RAB3C: variants seen among roughly 807,000 people sequenced by gnomAD.
RAB3C encodes the protein ras-related protein Rab-3C.
In RAB3C, 17 loss-of-function variants were observed where a neutral mutation model predicts 26.4. The observed-to-expected ratio is 0.64, with a 90% confidence interval of 0.44 to 0.97. The LOEUF is 0.97. Ranked by LOEUF, RAB3C falls within the 50% of genes least tolerant of loss-of-function variation. RAB3C has a pLI of 0.00. For missense variants in RAB3C, 242 were observed against 281.9 expected (o/e 0.86, Z 1.01); for synonymous variants, 91 against 95.9 (o/e 0.95, Z 0.30).
chr5:58,649,696 CT>C (rs1043653927), intron 2 of RAB3C, among the ~76,000 whole-genome samples: 1 of 152,128 alleles, frequency 6.6e-6, no homozygotes, highest in African/African-American at 2.4e-5. Context: ...TTGTCTCTCC[CT>C]GCTTACGATT....
At chr5:58,787,029 T>A (rs1181016019) in intron 3 of RAB3C, among the ~76,000 whole-genome samples, 1 of 152,022 alleles carries the variant, frequency 6.6e-6, no homozygotes, top group Non-Finnish European at 1.5e-5. Context: ...ATTCGATGTC[T>A]TGGAAACTAG....
chr5:58,749,292 T>A (rs1741470474), intron 3 of RAB3C, among the ~76,000 whole-genome samples: 1 of 152,202 alleles, frequency 6.6e-6, no homozygotes, highest in Admixed American at 6.5e-5. Context: ...AAATTGTGAT[T>A]TTTAAAAAAA....
At chr5:58,840,033 T>C in intron 4 of RAB3C, among the ~76,000 whole-genome samples, 1 of 152,050 alleles carries the variant, frequency 6.6e-6, no homozygotes, top group Non-Finnish European at 1.5e-5. Context: ...TGATGCTTTC[T>C]CTGTCTGCTA....
At chr5:58,652,139 C>A (rs774322632) in intron 2 of RAB3C, among the ~76,000 whole-genome samples, 3 of 151,750 alleles carry the variant, frequency 2.0e-5, no homozygotes, top group Admixed American at 2.0e-4. Context: ...GCCTAGTCTG[C>A]GATTGGGAGC....
At chr5:58,695,739 T>C (rs918153664) in intron 2 of RAB3C, among the ~76,000 whole-genome samples, 2 of 152,224 alleles carry the variant, frequency 1.3e-5, no homozygotes, top group Non-Finnish European at 2.9e-5. Context: ...GTTATTGGTG[T>C]ATAGGAATGC....
chr5:58,643,819 T>G (rs1023358349), intron 2 of RAB3C, among the ~76,000 whole-genome samples: 6 of 152,290 alleles, frequency 3.9e-5, no homozygotes, highest in Non-Finnish European at 7.4e-5. Flanking sequence ...CAATACTGTT[T>G]TAGTTTTAGT....
chr5:58,717,844 C>T (rs1475434411), intron 2 of RAB3C, among the ~76,000 whole-genome samples: 2 of 152,018 alleles, frequency 1.3e-5, no homozygotes, highest in Non-Finnish European at 2.9e-5. Flanking sequence ...GCACAAAAGC[C>T]GATCAAAATT....
chr5:58,825,386 T>C (rs1179662246), intron 4 of RAB3C, among the ~76,000 whole-genome samples: 1 of 152,126 alleles, frequency 6.6e-6, no homozygotes, highest in East Asian at 1.9e-4. Flanking sequence ...ATACTCAGAA[T>C]TTTGGTCTTA....
chr5:58,634,490 T>A (rs1373450244), intron 2 of RAB3C, among the ~76,000 whole-genome samples: 1 of 152,202 alleles, frequency 6.6e-6, no homozygotes, highest in East Asian at 1.9e-4. Flanking sequence ...CCTTATAGTA[T>A]GGTTATGAGG....
chr5:58,712,248 A>C (rs1369935275), intron 2 of RAB3C, among the ~76,000 whole-genome samples: 2 of 152,052 alleles, frequency 1.3e-5, no homozygotes, highest in Non-Finnish European at 2.9e-5. Flanking sequence ...GTTTATGGGA[A>C]ATAGAAATTT....
At chr5:58,716,240 A>G (rs1048385635) in intron 2 of RAB3C, among the ~76,000 whole-genome samples, 4 of 152,080 alleles carry the variant, frequency 2.6e-5, no homozygotes, top group Non-Finnish European at 5.9e-5. Context: ...GAGTCTTAGC[A>G]CTGGACACAG....
At chr5:58,704,528 A>T (rs1748907096) in intron 2 of RAB3C, among the ~76,000 whole-genome samples, 1 of 152,198 alleles carries the variant, frequency 6.6e-6, no homozygotes, top group African/African-American at 2.4e-5. Flanking sequence ...TCGCAAACAG[A>T]ATTCTTGAAA....
chr5:58,621,861 C>T (rs1387094186), intron 2 of RAB3C, among the ~76,000 whole-genome samples: 2 of 152,156 alleles, frequency 1.3e-5, no homozygotes, highest in African/African-American at 4.8e-5. Flanking sequence ...CAGGCATGAG[C>T]CACCACGCCT....
Position 58,629,864 on chromosome 5 carries a change from C to G in RAB3C, c.252+11994C>G, listed in dbSNP as rs372500666. ...GGGAAAATTATTACAAAAGTTTTTGCTAAGCCTCCAAGATTGTCACTAATT... is the reference window on the plus strand; with the variant it reads ...GGGAAAATTATTACAAAAGTTTTTGGTAAGCCTCCAAGATTGTCACTAATT... On this transcript the variant is annotated intron_variant, in intron 2 of 4. Coordinates refer to ENST00000282878, the MANE Select transcript of RAB3C (RefSeq NM_138453.4). 8.5e-5 allele frequency among the ~76,000 whole-genome samples: 13 copies of G among 152,188 alleles called. No individual in the cohort carries two copies. The East Asian group carries it at 2.5e-3, about 29-fold the overall frequency.
intron 3 of RAB3C, among the ~76,000 whole-genome samples, chr5:58,775,965 TC>T (rs1356967320): frequency 6.6e-6 from 1 of 152,070 alleles, no homozygotes; most frequent in Non-Finnish European, 1.5e-5. Flanking sequence ...CTGTTGCCTG[TC>T]CCACAAACTT....
intron 1 of RAB3C, among the ~76,000 whole-genome samples, chr5:58,605,066 C>T (rs1746531595): frequency 6.6e-6 from 1 of 152,174 alleles, no homozygotes; most frequent in Admixed American, 6.5e-5. Flanking sequence ...TCTGAAACTT[C>T]TCCCACAAGC....
chr5:58,603,074 C>T (rs1746491151), intron 1 of RAB3C, among the ~76,000 whole-genome samples: 1 of 152,108 alleles, frequency 6.6e-6, no homozygotes, highest in Non-Finnish European at 1.5e-5. Context: ...ATATATGATG[C>T]TTAGTTTCGC....
intron 2 of RAB3C, among the ~76,000 whole-genome samples, chr5:58,625,048 G>A (rs574046937): frequency 1.3e-5 from 2 of 152,180 alleles, no homozygotes; most frequent in African/African-American, 2.4e-5. Flanking sequence ...GGCATAGAGT[G>A]TGTGAATACC....
intron 2 of RAB3C, among the ~76,000 whole-genome samples, chr5:58,723,605 A>G (rs1474880478): frequency 6.6e-6 from 1 of 151,842 alleles, no homozygotes; most frequent in East Asian, 1.9e-4. Context: ...GGGTGTAAGC[A>G]TCTAAGCAGG....
Sources: gnomAD v4.1 joint callset for allele counts (sites outside exome capture counted in the v4.1 genomes callset) on GRCh38, gnomAD v4.1.1 for gene constraint, MANE v1.5 for transcripts, NCBI Gene and HGNC (gene_info 2026-07-23, HGNC 2026-07-21) for gene names.